The following SYNE2 variants were observed in gnomAD, a reference collection of about 807,000 sequenced individuals.
SYNE2 encodes nesprin-2.
In SYNE2, 431 loss-of-function variants were observed where a neutral mutation model predicts 856.3. That is an observed-to-expected ratio of 0.50 (90% CI 0.47 to 0.55). SYNE2 has a LOEUF of 0.55. SYNE2 is among the 20% of genes least tolerant of loss of function. SYNE2 has a pLI of 0.00. For synonymous variants in SYNE2, 2,923 were observed against 2,872.3 expected (o/e 1.02, Z -0.56); for missense variants, 8,129 against 8,023.2 (o/e 1.01, Z -0.50).
intron 2 of SYNE2, among the ~76,000 whole-genome samples, chr14:63,923,256 G>C (rs2095621988): frequency 6.6e-6 from 1 of 152,218 alleles, no homozygotes; most frequent in Non-Finnish European, 1.5e-5. Context: ...TGCTTACGCA[G>C]AGAGCCGGGA....
At chr14:64,096,246 A>G (rs919760719) in intron 61 of SYNE2, among the ~76,000 whole-genome samples, 3 of 152,220 alleles carry the variant, frequency 2.0e-5, no homozygotes, top group Non-Finnish European at 4.4e-5. Flanking sequence ...TTTTTTTACT[A>G]TAAATACATC....
At chr14:64,093,311 T>C in intron 60 of SYNE2, 38 bp from the exon 61 acceptor site, 1 of 1,611,518 alleles carries the variant, frequency 6.2e-7, no homozygotes, top group Non-Finnish European at 8.5e-7. Context: ...CTGCTTAGAT[T>C]ATGACAAAGA....
At chr14:64,220,001 G>A (rs575969711) in intron 110 of SYNE2, among the ~76,000 whole-genome samples, 2 of 152,322 alleles carry the variant, frequency 1.3e-5, no homozygotes, top group Non-Finnish European at 2.9e-5. Flanking sequence ...AGGGGTTTTG[G>A]AGGATCCAGG....
At chr14:63,913,836 A>T (rs944272568) in intron 2 of SYNE2, among the ~76,000 whole-genome samples, 10 of 151,294 alleles carry the variant, frequency 6.6e-5, no homozygotes, top group African/African-American at 1.2e-4. Context: ...GCTGTTTAAA[A>T]TTTTTTAAAT....
intron 22 of SYNE2, 70 bp downstream of exon 22, chr14:63,994,039 C>G: frequency 6.6e-7 from 1 of 1,524,250 alleles, no homozygotes; most frequent in East Asian, 2.3e-5. Flanking sequence ...GTTGTCAGAG[C>G]CATTCCTGGG....
In SYNE2 at chr14:64,022,054, G is replaced by A. The variant is rs141939115; in HGVS notation, c.5524+26G>A. The A allele has an allele frequency of 4.2e-4, 684 of 1,609,588 alleles. 3 individuals carry two copies. The African/African-American group carries it at 8.2e-3, about 19-fold the overall frequency. On this transcript the variant is annotated intron_variant, in intron 37 of 115. Transcript: ENST00000555002. ...GTGAGTGCAACATTTCTCTTATTTT[G>A]TTTCTGGGACTCTTGAAGTATGAAT...
At chr14:64,075,100 G>A (rs1427582560) in intron 53 of SYNE2, among the ~76,000 whole-genome samples, 1 of 152,170 alleles carries the variant, frequency 6.6e-6, no homozygotes, top group East Asian at 1.9e-4. Context: ...GTCCTCTGCT[G>A]AGGATTAAGA....
chr14:64,173,951 G>A (rs910387448), intron 94 of SYNE2: 2 of 697,718 alleles, frequency 2.9e-6, no homozygotes, highest in Non-Finnish European at 2.6e-6. Context: ...CAGGACCTTC[G>A]CTACTCTCTG....
chr14:64,193,102 A>G (rs995454165), intron 99 of SYNE2, among the ~76,000 whole-genome samples: 16 of 152,172 alleles, frequency 1.1e-4, no homozygotes, highest in Non-Finnish European at 2.9e-5. Flanking sequence ...ACAGGCTGCA[A>G]ACTTTACATT....
intron 64 of SYNE2, 74 bp downstream of exon 64, chr14:64,102,116 A>G (rs1266093180): frequency 2.8e-6 from 3 of 1,076,300 alleles, no homozygotes; most frequent in Admixed American, 1.8e-5. Flanking sequence ...TTTCTGCACG[A>G]CTTTCTTTCC....
rs138209076 is a variant in SYNE2 at position 64,163,521 on chromosome 14, C to G, written c.16419C>G (p.His5473Gln). 1.4e-5 allele frequency: 22 copies of G among 1,614,210 alleles called. No individual in the cohort carries two copies. The highest frequency in any genetic ancestry group is 1.8e-5 in the Non-Finnish European group (21 of 1,180,034). Residue 5473 changes from histidine to glutamine, a missense_variant, in exon 89 of 116, where the codon CAC (histidine) becomes CAG (glutamine). His to Gln is a conservative substitution (Grantham distance 24, BLOSUM62 0). This residue lies in a region of SYNE2 where 5,410 missense variants were observed against 5,284.8 expected (regional missense o/e 1.02). Coordinates refer to ENST00000555002, the MANE Select transcript of SYNE2 (RefSeq NM_182914.3). ...ACATGCTCCTCCCGGGCCCCCTGCA[C>G]TCTCTCCAGAGGGCTGCTTATTTGG... ...STHMLLPGPL[H>Q]SLQRAAYLEK... is the part of the protein sequence containing the mutation.
Position 63,941,913 on chromosome 14 carries a change from A to C in SYNE2, c.266A>C (p.Gln89Pro), listed in dbSNP as rs199648093. Residue 89 changes from glutamine (Q) to proline (P), a missense_variant, in exon 5 of 116, where the codon CAG becomes CCG. Gln to Pro is a moderately conservative substitution (Grantham distance 76). This residue lies in a region of SYNE2 where 2,422 missense variants were observed against 2,357.4 expected (regional missense o/e 1.03). Coordinates refer to ENST00000555002, the MANE Select transcript of SYNE2 (RefSeq NM_182914.3). ...LPRDKGSNTF[Q>P]CRINIEHALT... Reference sequence around the variant, plus strand: ...CGGGATAAAGGATCTAATACCTTCCAGTGTAGAATCAATATAGAACATGCC... The same window carrying C: ...CGGGATAAAGGATCTAATACCTTCCCGTGTAGAATCAATATAGAACATGCC... The C allele has an allele frequency of 6.2e-7, 1 of 1,613,422 alleles. No individual in the cohort carries two copies. The highest frequency in any genetic ancestry group is 1.1e-5 in the South Asian group (1 of 91,074).
At chr14:64,037,205 A>G (rs2097097845) in intron 45 of SYNE2, among the ~76,000 whole-genome samples, 1 of 151,510 alleles carries the variant, frequency 6.6e-6, no homozygotes, top group Non-Finnish European at 1.5e-5. Context: ...GTCATAGGAC[A>G]ATAGTGGAGG....
In SYNE2 at chr14:64,216,869, T is replaced by C. The variant is rs574482790; in HGVS notation, c.19542+482T>C. ...CCTCCCAAGTAGCTGCGATTACAGG[T>C]GTGCACCACCATGCCTGGCTAATTT... On this transcript the variant is annotated intron_variant, in intron 108 of 115. Transcript: ENST00000555002. Among the ~76,000 whole-genome samples the C allele has an allele frequency of 8.2e-4, 125 of 152,196 alleles. 3 individuals are homozygous for C. In the South Asian group the frequency reaches 0.025, roughly 31 times the overall value.
intron 1 of SYNE2, among the ~76,000 whole-genome samples, chr14:63,801,316 G>T (rs1888118162): frequency 6.6e-6 from 1 of 152,048 alleles, no homozygotes; most frequent in South Asian, 2.1e-4. Context: ...CTCCACTAAA[G>T]AACTTACTCA....
intron 31 of SYNE2, among the ~76,000 whole-genome samples, 162 bp from the exon 32 acceptor site, chr14:64,009,804 G>A (rs2096829552): frequency 6.6e-6 from 1 of 152,112 alleles, no homozygotes; most frequent in Non-Finnish European, 1.5e-5. Flanking sequence ...ATATATTGAT[G>A]TGCCATCATT....
intron 7 of SYNE2, among the ~76,000 whole-genome samples, chr14:63,950,656 A>G (rs2096138402): frequency 6.6e-6 from 1 of 152,084 alleles, no homozygotes; most frequent in African/African-American, 2.4e-5. Context: ...AAGCACAGAG[A>G]CCAGACAGTA....
intron 1 of SYNE2, among the ~76,000 whole-genome samples, chr14:63,841,543 T>C (rs1890065357): frequency 6.6e-6 from 1 of 152,214 alleles, no homozygotes; most frequent in Admixed American, 6.5e-5. Context: ...CTTGTAAGGT[T>C]ATATGTAGTT....
At chr14:64,061,829 G>C (rs895027884) in intron 49 of SYNE2, among the ~76,000 whole-genome samples, 1 of 152,172 alleles carries the variant, frequency 6.6e-6, no homozygotes, top group Non-Finnish European at 1.5e-5. Flanking sequence ...TTGGCTCCCA[G>C]CTTTATGGTC....
Sources: gnomAD v4.1 joint callset for allele counts (sites outside exome capture counted in the v4.1 genomes callset) on GRCh38, gnomAD v4.1.1 for gene constraint, gnomAD v4.1.1 regional missense constraint, MANE v1.5 for transcripts, NCBI Gene and HGNC (gene_info 2026-07-23, HGNC 2026-07-21) for gene names.